ADAMTS16: variants seen among roughly 807,000 people sequenced by gnomAD.
ADAMTS16 encodes ADAM metallopeptidase with thrombospondin type 1 motif 16, also known as A disintegrin and metalloproteinase with thrombospondin motifs 16.
ADAMTS16 carries 94 observed loss-of-function variants against 145.8 expected under a neutral mutation model. That is an observed-to-expected ratio of 0.64 (90% CI 0.55 to 0.77). ADAMTS16 has a LOEUF of 0.77. ADAMTS16 is among the 30% of genes least tolerant of loss of function. The pLI is 0.00. For missense variants in ADAMTS16, 1,585 were observed against 1,591.5 expected (o/e 1.00, Z 0.07); for synonymous variants, 659 against 604.3 (o/e 1.09, Z -1.33).
intron 18 of ADAMTS16, among the ~76,000 whole-genome samples, chr5:5,279,594 C>T (rs1327943641): frequency 6.6e-6 from 1 of 151,966 alleles, no homozygotes; most frequent in Admixed American, 6.6e-5. Context: ...CTCTTGCCTT[C>T]TGAACTCTAA....
intron 9 of ADAMTS16, among the ~76,000 whole-genome samples, chr5:5,202,543 T>A (rs1338671279): frequency 6.6e-6 from 1 of 152,200 alleles, no homozygotes; most frequent in Non-Finnish European, 1.5e-5. Flanking sequence ...TTCACATTTT[T>A]CTCTCTGTGT....
chr5:5,205,084 A>G (rs1172681139), intron 9 of ADAMTS16, among the ~76,000 whole-genome samples: 1 of 146,752 alleles, frequency 6.8e-6, no homozygotes, highest in Non-Finnish European at 1.5e-5. Flanking sequence ...TGTAAAAAAA[A>G]TAGACCCTGT....
intron 21 of ADAMTS16, among the ~76,000 whole-genome samples, chr5:5,314,729 G>C (rs191229179): frequency 2.6e-5 from 4 of 152,288 alleles, no homozygotes; most frequent in African/African-American, 7.2e-5. Flanking sequence ...CTCTGGACTA[G>C]TGCTTCTCAC....
intron 10 of ADAMTS16, among the ~76,000 whole-genome samples, chr5:5,212,292 C>T (rs1346864015): frequency 1.3e-5 from 2 of 150,198 alleles, no homozygotes; most frequent in African/African-American, 4.9e-5. Flanking sequence ...ACTGCAAGCT[C>T]TGCCTCCCGG....
chr5:5,207,594 A>AG (rs1447317693), intron 9 of ADAMTS16, among the ~76,000 whole-genome samples: 1 of 152,056 alleles, frequency 6.6e-6, no homozygotes, highest in East Asian at 1.9e-4. Context: ...TGGTAAGAGG[A>AG]GTCATTCTTA....
chr5:5,271,041 C>A (rs1482910842), intron 18 of ADAMTS16, among the ~76,000 whole-genome samples: 1 of 152,192 alleles, frequency 6.6e-6, no homozygotes, highest in Non-Finnish European at 1.5e-5. Flanking sequence ...GAGGGTTCCA[C>A]AAGGATTGAG....
At chr5:5,217,286 C>T (rs1736464297) in intron 10 of ADAMTS16, among the ~76,000 whole-genome samples, 1 of 151,866 alleles carries the variant, frequency 6.6e-6, no homozygotes, top group Non-Finnish European at 1.5e-5. Context: ...AGGACATAGG[C>T]ATGGGCAAGG....
intron 17 of ADAMTS16, among the ~76,000 whole-genome samples, chr5:5,258,655 G>A (rs1737882237): frequency 1.3e-5 from 2 of 152,324 alleles, no homozygotes; most frequent in South Asian, 4.1e-4. Flanking sequence ...CACTCCAGGT[G>A]GAGAGAACAG....
chr5:5,295,406 C>CG (rs1739490124), intron 18 of ADAMTS16, among the ~76,000 whole-genome samples: 1 of 906 alleles, frequency 1.1e-3, no homozygotes, highest in Non-Finnish European at 2.1e-3. Context: ...AGAGCTACAC[C>CG]AAATTATATT....
At chr5:5,254,416 C>G (rs1737719700) in intron 17 of ADAMTS16, among the ~76,000 whole-genome samples, 2 of 152,130 alleles carry the variant, frequency 1.3e-5, no homozygotes, top group South Asian at 4.1e-4. Flanking sequence ...TATTTCTGAC[C>G]TTAATGGGAA....
intron 3 of ADAMTS16, among the ~76,000 whole-genome samples, chr5:5,172,622 G>T (rs1391707750): frequency 1.3e-5 from 2 of 151,926 alleles, no homozygotes. Flanking sequence ...AGAATTTCAG[G>T]GTTTTTAAAA....
intron 9 of ADAMTS16, 87 bp downstream of exon 9, chr5:5,200,356 A>T: frequency 3.9e-6 from 6 of 1,533,954 alleles, no homozygotes; most frequent in Non-Finnish European, 5.3e-6. Flanking sequence ...AAGCAGCCCC[A>T]GGCTGTGCTT....
chr5:5,165,236 T>C (rs150218029), intron 3 of ADAMTS16, among the ~76,000 whole-genome samples: 60 of 152,246 alleles, frequency 3.9e-4, no homozygotes, highest in Non-Finnish European at 6.9e-4. Flanking sequence ...TTTTGCCAAG[T>C]ATAATGTGTT....
intron 3 of ADAMTS16, among the ~76,000 whole-genome samples, chr5:5,154,623 G>A (rs1734558551): frequency 6.6e-6 from 1 of 152,110 alleles, no homozygotes; most frequent in Admixed American, 6.6e-5. Flanking sequence ...CAAGTGGAGT[G>A]GAGTCACTTG....
In ADAMTS16 at chr5:5,318,281, G is replaced by T. The variant is rs776695994; in HGVS notation, c.3559G>T (p.Asp1187Tyr). 6.8e-7 allele frequency: 1 copy of T among 1,460,104 alleles called. No individual in the cohort carries two copies. Among genetic ancestry groups the T allele is most frequent in the Non-Finnish European group, 9.1e-7 (1 of 1,093,388 alleles). The allele number at this position is 1,460,104 out of a possible 1,614,324, so 90.4% of individuals were successfully genotyped here. Reference sequence around the variant, plus strand: ...CTTCTGCCCCATTGCAGAGAAGAAAGGTGAGTACATGGGGCCCCTCAGCAT... The same window carrying T: ...CTTCTGCCCCATTGCAGAGAAGAAATGTGAGTACATGGGGCCCCTCAGCAT... ...THFCPIAEKKDAFCKDYFHWC... is the reference protein window; with the variant it reads ...THFCPIAEKKYAFCKDYFHWC... The change falls in exon 22 of 23, where the codon GAT (aspartate) becomes TAT (tyrosine). Residue 1187 changes from aspartate (D) to tyrosine (Y), a missense_variant and splice_region_variant. This residue lies in a region of ADAMTS16 where 834 missense variants were observed against 811.7 expected (regional missense o/e 1.03). Transcript: ENST00000274181.
intron 21 of ADAMTS16, among the ~76,000 whole-genome samples, chr5:5,314,242 T>TA (rs1298683664): frequency 1.3e-5 from 2 of 152,202 alleles, no homozygotes; most frequent in African/African-American, 4.8e-5. Context: ...GAGAGGGACT[T>TA]AGAGCAGGCC....
intron 3 of ADAMTS16, 47 bp downstream of exon 3, chr5:5,146,502 T>C (rs1460408245): frequency 6.5e-7 from 1 of 1,540,398 alleles, no homozygotes; most frequent in Non-Finnish European, 8.7e-7. Context: ...TTGGTGATGG[T>C]GGAAAGGAGA....
intron 17 of ADAMTS16, among the ~76,000 whole-genome samples, chr5:5,243,177 A>T (rs1404153224): frequency 6.6e-6 from 1 of 152,256 alleles, no homozygotes; most frequent in African/African-American, 2.4e-5. Context: ...TAGTCCTAAA[A>T]GTTAACACTA....
intron 9 of ADAMTS16, among the ~76,000 whole-genome samples, chr5:5,208,047 G>T (rs777745948): frequency 2.5e-4 from 38 of 152,154 alleles, no homozygotes; most frequent in Non-Finnish European, 3.8e-4. Context: ...TTAAAATTTA[G>T]AAAGTATTCC....
Sources: allele counts gnomAD v4.1 joint callset (sites outside exome capture counted in the v4.1 genomes callset), GRCh38; gene constraint gnomAD v4.1.1; regional missense constraint gnomAD v4.1.1; transcripts MANE v1.5; gene names NCBI Gene and HGNC (gene_info 2026-07-23, HGNC 2026-07-21).